Variants in ANKRD30BL observed in about 807,000 individuals in gnomAD.
The protein encoded by ANKRD30BL is ankyrin repeat domain 30B like.
ANKRD30BL carries 20 observed loss-of-function variants against 18.4 expected under a neutral mutation model. That is an observed-to-expected ratio of 1.09 (90% CI 0.77 to 1.58). The LOEUF is 1.58. ANKRD30BL is among the 40% of genes most tolerant of loss of function. The pLI, the probability that ANKRD30BL is intolerant of heterozygous loss-of-function variation, is 0.00. For synonymous variants in ANKRD30BL, 72 were observed against 100.9 expected, an observed-to-expected ratio of 0.71 and a Z score of 1.72; for missense variants, 224 against 268.6, an observed-to-expected ratio of 0.83 and a Z score of 1.16.
At chr2:132,253,652 G>A (rs77546515) in intron 1 of ANKRD30BL, among the ~76,000 whole-genome samples, 1 of 152,168 alleles carries the variant, frequency 6.6e-6, no homozygotes, top group Non-Finnish European at 1.5e-5. Flanking sequence ...GGACGGAGTC[G>A]GCAGGGGAGG....
intron 1 of ANKRD30BL, among the ~76,000 whole-genome samples, chr2:132,236,041 C>T (rs201176367): frequency 6.6e-6 from 1 of 151,752 alleles, no homozygotes; most frequent in Admixed American, 6.6e-5. Context: ...GCCACATATC[C>T]ACAACTATCT....
At chr2:132,187,883 C>A (rs1688597557) in intron 1 of ANKRD30BL, among the ~76,000 whole-genome samples, 1 of 151,914 alleles carries the variant, frequency 6.6e-6, no homozygotes, top group South Asian at 2.1e-4. Context: ...TTCAGCCTCC[C>A]AAGTAGCTGG....
intron 1 of ANKRD30BL, among the ~76,000 whole-genome samples, chr2:132,232,238 A>G (rs1248353583): frequency 6.6e-6 from 1 of 152,188 alleles, no homozygotes; most frequent in Non-Finnish European, 1.5e-5. Flanking sequence ...ATGGGGAAAA[A>G]ACAGAACAGA....
chr2:132,205,235 A>G (rs1281646314), intron 1 of ANKRD30BL, among the ~76,000 whole-genome samples: 2 of 152,172 alleles, frequency 1.3e-5, no homozygotes, highest in Non-Finnish European at 2.9e-5. Context: ...ACATTGGTGC[A>G]GAATAGTAAG....
intron 1 of ANKRD30BL, among the ~76,000 whole-genome samples, chr2:132,196,645 G>A (rs1221717736): frequency 6.6e-6 from 1 of 152,008 alleles, no homozygotes; most frequent in African/African-American, 2.4e-5. Flanking sequence ...AATTAGCCAA[G>A]TGTGGTGGCG....
At chr2:132,183,137 CTTTT>C (rs144303092) in intron 1 of ANKRD30BL, among the ~76,000 whole-genome samples, 1 of 140,230 alleles carries the variant, frequency 7.1e-6, no homozygotes, top group Non-Finnish European at 1.5e-5. Context: ...GACAAAGTAG[CTTTT>C]TTTTTTTTTT....
Position 132,229,677 on chromosome 2 carries a change from C to G in ANKRD30BL, n.441+27852G>C, listed in dbSNP as rs867163599. On this transcript the variant is annotated intron_variant and non_coding_transcript_variant, in intron 1 of 4. Coordinates refer to the ANKRD30BL transcript ENST00000470729. ...GAAACTTCTTAGTGATGTGTGCATTCAACTCACAGAGTTGAACCTTTCTTT... is the reference window on the plus strand; with the variant it reads ...GAAACTTCTTAGTGATGTGTGCATTGAACTCACAGAGTTGAACCTTTCTTT... Among the ~76,000 whole-genome samples the G allele has an allele frequency of 6.4e-4, 97 of 152,214 alleles. 2 individuals are homozygous for G. The highest frequency in any genetic ancestry group is 1.5e-3 in the South Asian group (7 of 4,818).
At chr2:132,180,793 A>G (rs1338013396) in intron 1 of ANKRD30BL, among the ~76,000 whole-genome samples, 5 of 152,326 alleles carry the variant, frequency 3.3e-5, no homozygotes, top group African/African-American at 1.2e-4. Context: ...AAAATAAAAT[A>G]GATTAACAAA....
chr2:132,244,950 A>G (rs1420417411), intron 1 of ANKRD30BL, among the ~76,000 whole-genome samples: 2 of 152,306 alleles, frequency 1.3e-5, no homozygotes, highest in Non-Finnish European at 2.9e-5. Context: ...AACTACACAG[A>G]AGCATTCTCA....
intron 1 of ANKRD30BL, among the ~76,000 whole-genome samples, chr2:132,160,313 C>G (rs1412086677): frequency 6.6e-5 from 10 of 150,530 alleles, no homozygotes; most frequent in Non-Finnish European, 1.3e-4. Context: ...ATTGGCCAGG[C>G]TAGTCTTGAA....
Position 132,254,194 on chromosome 2 carries a change from C to G in ANKRD30BL, n.441+3335G>C, listed in dbSNP as rs566259704. 3.3e-5 allele frequency among the ~76,000 whole-genome samples: 5 copies of G among 152,168 alleles called. No homozygotes were observed. The East Asian group carries it at 5.8e-4, about 18-fold the overall frequency. On this transcript the variant is annotated intron_variant and non_coding_transcript_variant, in intron 1 of 4. Transcript: ENST00000470729. ...CCCACACGCATGTCTCTTTCTACCC[C>G]CTCTCTCCCTCCCGAGTTCTCTGGC...
intron 1 of ANKRD30BL, among the ~76,000 whole-genome samples, chr2:132,200,888 C>T (rs1679083724): frequency 6.6e-6 from 1 of 152,206 alleles, no homozygotes; most frequent in South Asian, 2.1e-4. Context: ...TACCTGACTT[C>T]AAACTATGCT....
At chr2:132,234,384 T>C (rs201442819) in intron 1 of ANKRD30BL, among the ~76,000 whole-genome samples, 3 of 151,260 alleles carry the variant, frequency 2.0e-5, no homozygotes, top group Non-Finnish European at 3.0e-5. Context: ...TTCAAAAAAT[T>C]AATGAATCCA....
chr2:132,152,043 A>G (rs1378399734), intron 4 of ANKRD30BL: 1 of 152,062 alleles, frequency 6.6e-6, no homozygotes, highest in African/African-American at 2.4e-5. Context: ...GTATTTTCTC[A>G]TTTCTGAGAT....
At chr2:132,187,934 AT>A (rs1380327490) in intron 1 of ANKRD30BL, among the ~76,000 whole-genome samples, 2 of 151,732 alleles carry the variant, frequency 1.3e-5, no homozygotes, top group Non-Finnish European at 2.9e-5. Flanking sequence ...AATTTCTGTA[AT>A]TTTTTTAGTA....
intron 1 of ANKRD30BL, among the ~76,000 whole-genome samples, chr2:132,175,872 T>C (rs1046698841): frequency 4.6e-5 from 7 of 152,152 alleles, no homozygotes; most frequent in East Asian, 3.9e-4. Context: ...GTTTTTGTGA[T>C]CTCAAGGTGG....
At chr2:132,149,081 T>C (rs1687689799) in intron 5 of ANKRD30BL, among the ~76,000 whole-genome samples, 1 of 152,242 alleles carries the variant, frequency 6.6e-6, no homozygotes, top group Admixed American at 6.5e-5. Flanking sequence ...GTTGGTCTCC[T>C]GCAACTTGCA....
intron 1 of ANKRD30BL, among the ~76,000 whole-genome samples, chr2:132,199,478 A>C (rs1477565466): frequency 8.5e-5 from 13 of 152,088 alleles, no homozygotes; most frequent in African/African-American, 2.9e-4. Flanking sequence ...AGTGTAAAAT[A>C]AGTAATTTCT....
chr2:132,180,121 T>TCCTA (rs1221532338), intron 1 of ANKRD30BL, among the ~76,000 whole-genome samples: 1 of 152,076 alleles, frequency 6.6e-6, no homozygotes, highest in East Asian at 1.9e-4. Context: ...GCCCGTAATG[T>TCCTA]CCTAGGCCTT....
Sources: allele counts gnomAD v4.1 joint callset (sites outside exome capture counted in the v4.1 genomes callset), GRCh38; gene constraint gnomAD v4.1.1; transcripts MANE v1.5; gene names NCBI Gene and HGNC (gene_info 2026-07-23, HGNC 2026-07-21).